Variants in VGLL3 observed in about 807,000 individuals in gnomAD.
The protein encoded by VGLL3 is transcription cofactor vestigial-like protein 3.
In VGLL3, 18 loss-of-function variants were observed where a neutral mutation model predicts 29.2. The ratio of observed to expected loss-of-function variants is 0.62; its 90% confidence interval spans 0.43 to 0.91. VGLL3 has a LOEUF of 0.91. Among genes scored for constraint, VGLL3 ranks in the 40% least tolerant of loss-of-function variants. The pLI is 0.00. For synonymous variants in VGLL3, 180 were observed against 151.8 expected (o/e 1.19, Z -1.36); for missense variants, 440 against 413.2 (o/e 1.06, Z -0.56).
At chr3:86,984,880 T>A (rs531422198) in intron 1 of VGLL3, among the ~76,000 whole-genome samples, 20 of 152,300 alleles carry the variant, frequency 1.3e-4, no homozygotes, top group African/African-American at 4.8e-4. Flanking sequence ...AATCTCTAAG[T>A]GGCTAATATT....
At position 86,947,896 on chromosome 3, in the gene VGLL3, T is replaced by C. The variant is rs554956995; in HGVS notation, c.938-829A>G. Among the ~76,000 whole-genome samples the C allele has an allele frequency of 2.0e-5, 3 of 152,136 alleles. 1 individual carries two copies. The highest frequency in any genetic ancestry group is 4.1e-4 in the South Asian group (2 of 4,828). On this transcript the variant is annotated intron_variant, in intron 3 of 3. Transcript: ENST00000398399. ...ACAGTTAATTGAATAATTTCTGATA[T>C]GGGCAATTCACATAGCACCTTCAAT... is the stretch of plus-strand genomic sequence containing the variant.
chr3:86,960,959 A>G lies in VGLL3; in HGVS notation c.937+7631T>C, dbSNP rs868031144. ...TATATATATATATATATATATATAT[A>G]TATATATGCATATGATGTTGTTTTG... On this transcript the variant is annotated intron_variant, in intron 3 of 3. Transcript: ENST00000398399. Among the ~76,000 whole-genome samples the G allele has an allele frequency of 1.7e-4, 25 of 144,070 alleles. 1 individual carries two copies. Among genetic ancestry groups the G allele is most frequent in the South Asian group, 4.4e-4 (2 of 4,526 alleles). The allele number at this position is 144,070 out of a possible 152,430, so 94.5% of individuals were successfully genotyped here. A position where few individuals can be genotyped will look rare whatever the true frequency, so the allele number is the denominator to read the frequency against.
intron 3 of VGLL3, among the ~76,000 whole-genome samples, chr3:86,963,670 A>G (rs762107363): frequency 6.6e-6 from 1 of 152,248 alleles, no homozygotes; most frequent in Non-Finnish European, 1.5e-5. Flanking sequence ...TACAGAGTAC[A>G]TGTTATATGC....
Position 86,961,395 on chromosome 3 carries a change from T to A in VGLL3, c.937+7195A>T, listed in dbSNP as rs528687943. The stretch of plus-strand genomic sequence containing the variant: ...ACAAGATTGTATGTCTTACATTAGG[T>A]AAATTATTGGCAACAACAGGAAGTA... On this transcript the variant is annotated intron_variant, in intron 3 of 3. Coordinates refer to ENST00000398399, the MANE Select transcript of VGLL3 (RefSeq NM_016206.4). 3.3e-5 allele frequency among the ~76,000 whole-genome samples: 5 copies of A among 152,270 alleles called. No individual in the cohort carries two copies. In the South Asian group the frequency reaches 8.3e-4, roughly 25 times the overall value.
intron 1 of VGLL3, among the ~76,000 whole-genome samples, chr3:86,983,097 C>T (rs1412695900): frequency 2.0e-5 from 3 of 152,190 alleles, no homozygotes; most frequent in Non-Finnish European, 4.4e-5. Flanking sequence ...ATACCACTAA[C>T]TCCCCAAGGC....
chr3:86,948,502 G>C (rs1353077617), intron 3 of VGLL3, among the ~76,000 whole-genome samples: 2 of 152,148 alleles, frequency 1.3e-5, no homozygotes, highest in Admixed American at 1.3e-4. Context: ...AAGGGCAAAA[G>C]AACAAATAGA....
Position 86,939,842 on chromosome 3 carries a change from G to A in VGLL3, c.*7182C>T, listed in dbSNP as rs1704356933. ...GGAAACTAAGCAAAGGACTCTAGAA[G>A]CAGGGAACAGCAAGATTCTCTCTTG... On this transcript the variant is annotated 3_prime_UTR_variant, in exon 4 of 4. Coordinates refer to ENST00000398399, the MANE Select transcript of VGLL3 (RefSeq NM_016206.4). 3 of 152,232 alleles carry A rather than the reference G, an allele frequency of 2.0e-5. No homozygotes were observed. The highest frequency in any genetic ancestry group is 3.9e-4 in the East Asian group (2 of 5,170). The allele number at this position is 152,232 out of a possible 1,614,324, so 9.4% of individuals were successfully genotyped here. A position where few individuals can be genotyped will look rare whatever the true frequency, so the allele number is the denominator to read the frequency against.
At chr3:86,950,119 G>A (rs1177706700) in intron 3 of VGLL3, among the ~76,000 whole-genome samples, 1 of 152,066 alleles carries the variant, frequency 6.6e-6, no homozygotes, top group African/African-American at 2.4e-5. Flanking sequence ...AAACCTACTT[G>A]AAATTAATTC....
rs773913353 is a variant in VGLL3, at chr3:86,969,112, G to T, written c.415C>A (p.Leu139Ile). 6.3e-7 allele frequency: 1 copy of T among 1,590,192 alleles called. No homozygotes were observed. Among genetic ancestry groups the T allele is most frequent in the Non-Finnish European group, 8.6e-7 (1 of 1,166,734 alleles). ...GGGAAACTATTCCGCTGGCTTGAGAGAGCTGAGCTGTCTGAGAAGACAGAA... is the reference window on the plus strand; with the variant it reads ...GGGAAACTATTCCGCTGGCTTGAGATAGCTGAGCTGTCTGAGAAGACAGAA... ...LTPLWRDSSA[L>I]SSQRNSFPTS... Residue 139 changes from leucine (L) to isoleucine (I), a missense_variant, in exon 3 of 4, where the codon CTC becomes ATC. Physicochemically the swap from Leu to Ile is conservative, Grantham distance 5. Transcript: ENST00000398399.
chr3:86,978,884 A>T, intron 1 of VGLL3, 82 bp from the exon 2 acceptor site: 1 of 1,406,332 alleles, frequency 7.1e-7, no homozygotes, highest in Non-Finnish European at 9.5e-7. Flanking sequence ...TTTTTTAAAA[A>T]AAGAATCTAA....
At chr3:86,964,353 T>A (rs562549798) in intron 3 of VGLL3, among the ~76,000 whole-genome samples, 75 of 152,338 alleles carry the variant, frequency 4.9e-4, no homozygotes, top group Non-Finnish European at 9.4e-4. Flanking sequence ...GATTATGCCA[T>A]ACATGATATT....
At chr3:86,962,176 C>T (rs1342256866) in intron 3 of VGLL3, 17 of 985,150 alleles carry the variant, frequency 1.7e-5, no homozygotes, top group African/African-American at 3.5e-5. Flanking sequence ...GCATTTTTCA[C>T]GTGGAGGGCA....
rs1705026609 is a variant in VGLL3, at chr3:86,968,996, G to A, written c.531C>T (p.Gly177=). ...GACTGGGATCAGCTGCAGAAAAGGT[G>A]CCAGGGGGTCCAGTGACCTGGAAGT... ...HPDFQVTGPP[G]TFSAADPSPW... Residue 177 remains glycine (G), a synonymous_variant, in exon 3 of 4, where the codon GGC becomes GGT. Coordinates refer to ENST00000398399, the MANE Select transcript of VGLL3 (RefSeq NM_016206.4). The A allele has an allele frequency of 5.0e-6, 8 of 1,614,144 alleles. No individual in the cohort carries two copies. The highest frequency in any genetic ancestry group is 3.3e-5 in the Admixed American group (2 of 60,020).
intron 1 of VGLL3, among the ~76,000 whole-genome samples, chr3:86,985,885 C>T (rs1156452645): frequency 6.6e-6 from 1 of 152,050 alleles, no homozygotes; most frequent in Non-Finnish European, 1.5e-5. Flanking sequence ...AAGTGAGAAC[C>T]AAGCTAAGCA....
chr3:86,983,958 T>C (rs1008637158), intron 1 of VGLL3, among the ~76,000 whole-genome samples: 2 of 152,216 alleles, frequency 1.3e-5, no homozygotes, highest in South Asian at 4.1e-4. Context: ...TCTGTCTGTT[T>C]ACAAAGCATG....
chr3:86,973,164 A>G lies in VGLL3; in HGVS notation c.404-4041T>C, dbSNP rs146286210. ...GATAAGATTCAAAATTTAAAGAATG[A>G]TACAGCTTATTAATTTTGAAAATAA... On this transcript the variant is annotated intron_variant, in intron 2 of 3. Coordinates refer to ENST00000398399, the MANE Select transcript of VGLL3 (RefSeq NM_016206.4). Among the ~76,000 whole-genome samples the G allele has an allele frequency of 7.4e-3, 1,129 of 152,268 alleles. 19 individuals carry two copies. The highest frequency in any genetic ancestry group is 0.025 in the African/African-American group (1,028 of 41,552).
Position 86,970,483 on chromosome 3 carries a change from G to GCACACACACACACACA in VGLL3, c.404-1376_404-1361dup, listed in dbSNP as rs10694503. On this transcript the variant is annotated intron_variant, in intron 2 of 3. Coordinates refer to ENST00000398399, the MANE Select transcript of VGLL3 (RefSeq NM_016206.4). ...AGAAAAGGCCATATATTACACACAC[G>GCACACACACACACACA]CACACACACACACACACACACACAC... Among the ~76,000 whole-genome samples, 891 of 141,282 alleles carry GCACACACACACACACA rather than the reference G, an allele frequency of 6.3e-3. 9 individuals are homozygous for GCACACACACACACACA. The highest frequency in any genetic ancestry group is 0.012 in the East Asian group (57 of 4,720). The allele number at this position is 141,282 out of a possible 152,430, so 92.7% of individuals were successfully genotyped here.
chr3:86,983,031 A>C (rs1705361057), intron 1 of VGLL3, among the ~76,000 whole-genome samples: 1 of 152,188 alleles, frequency 6.6e-6, no homozygotes, highest in Admixed American at 6.5e-5. Context: ...TTTCAGCAGG[A>C]ATGTGCAGGG....
intron 1 of VGLL3, among the ~76,000 whole-genome samples, chr3:86,981,633 T>C (rs900118794): frequency 6.6e-6 from 1 of 152,088 alleles, no homozygotes; most frequent in Non-Finnish European, 1.5e-5. Context: ...TTATATACTT[T>C]CTTTTTTCTT....
Sources: allele counts gnomAD v4.1 joint callset (sites outside exome capture counted in the v4.1 genomes callset), GRCh38; gene constraint gnomAD v4.1.1; transcripts MANE v1.5; gene names NCBI Gene and HGNC (gene_info 2026-07-23, HGNC 2026-07-21).